The following CADM2 variants were observed in gnomAD, a reference collection of about 807,000 sequenced individuals.
CADM2 encodes cell adhesion molecule 2.
CADM2 carries 12 observed loss-of-function variants against 49.8 expected under a neutral mutation model. The observed-to-expected ratio is 0.24, with a 90% CI of 0.15 to 0.39. The LOEUF is 0.39. Among genes scored for constraint, CADM2 ranks in the 10% least tolerant of loss-of-function variants. The pLI is 1.00. For synonymous variants in CADM2, 214 were observed against 175.4 expected, an observed-to-expected ratio of 1.22 and a Z score of -1.74; for missense variants, 378 against 492.3, an observed-to-expected ratio of 0.77 and a Z score of 2.20.
chr3:85,314,962 A>G (rs376704915), intron 1 of CADM2, among the ~76,000 whole-genome samples: 4 of 152,206 alleles, frequency 2.6e-5, no homozygotes, highest in South Asian at 2.1e-4. Context: ...TTAAAACAAT[A>G]TAAGTTTATT....
intron 1 of CADM2, among the ~76,000 whole-genome samples, chr3:85,492,635 T>G (rs181376621): frequency 6.6e-6 from 1 of 152,210 alleles, no homozygotes; most frequent in African/African-American, 2.4e-5. Context: ...TATTTCTAGG[T>G]AAAGATACAT....
At chr3:85,447,030 A>ATATATATG (rs1491540748) in intron 1 of CADM2, among the ~76,000 whole-genome samples, 1 of 132,184 alleles carries the variant, frequency 7.6e-6, no homozygotes, top group Non-Finnish European at 1.6e-5. Flanking sequence ...ATATATATAT[A>ATATATATG]TGCTTAGTAT....
intron 1 of CADM2, among the ~76,000 whole-genome samples, chr3:85,384,548 A>G (rs1307161649): frequency 3.3e-5 from 5 of 152,050 alleles, no homozygotes; most frequent in Admixed American, 6.6e-5. Flanking sequence ...TCCTGACTTC[A>G]GGTGATCCGC....
intron 1 of CADM2, among the ~76,000 whole-genome samples, chr3:85,220,175 G>C (rs916237050): frequency 2.0e-5 from 3 of 151,928 alleles, no homozygotes; most frequent in African/African-American, 7.3e-5. Flanking sequence ...TTTTGTTGTT[G>C]TTGTTGTTGT....
chr3:85,237,584 A>G (rs1256688252), intron 1 of CADM2, among the ~76,000 whole-genome samples: 1 of 151,492 alleles, frequency 6.6e-6, no homozygotes, highest in Admixed American at 6.6e-5. Flanking sequence ...TGATTTTAAT[A>G]TAATACAAAA....
intron 8 of CADM2, among the ~76,000 whole-genome samples, chr3:86,018,485 G>C (rs1159639339): frequency 6.6e-6 from 1 of 152,082 alleles, no homozygotes; most frequent in East Asian, 1.9e-4. Context: ...CTAGTTTACA[G>C]TCCCACCAAC....
chr3:85,041,330 T>A (rs935198927), intron 1 of CADM2, among the ~76,000 whole-genome samples: 1 of 152,186 alleles, frequency 6.6e-6, no homozygotes, highest in African/African-American at 2.4e-5. Context: ...CACAGATTTT[T>A]AAAAAATTCG....
At chr3:85,938,710 T>C (rs775589261) in intron 7 of CADM2, among the ~76,000 whole-genome samples, 1 of 152,188 alleles carries the variant, frequency 6.6e-6, no homozygotes, top group African/African-American at 2.4e-5. Context: ...TGAGAAGCAA[T>C]ACTATAGCTT....
intron 1 of CADM2, among the ~76,000 whole-genome samples, chr3:85,610,508 G>A (rs2063655778): frequency 2.6e-5 from 4 of 151,826 alleles, no homozygotes; most frequent in African/African-American, 9.7e-5. Flanking sequence ...AATAATAATA[G>A]CAGCTATTCT....
intron 1 of CADM2, among the ~76,000 whole-genome samples, chr3:85,601,851 GTTTC>G (rs944963666): frequency 2.0e-4 from 30 of 151,252 alleles, no homozygotes; most frequent in African/African-American, 7.0e-4. Flanking sequence ...TTTCGTTTCT[GTTTC>G]TTTTAGTCAT....
At chr3:85,792,351 A>C (rs143665862) in intron 2 of CADM2, among the ~76,000 whole-genome samples, 10 of 152,298 alleles carry the variant, frequency 6.6e-5, no homozygotes, top group African/African-American at 2.4e-4. Flanking sequence ...ATTATTGAAA[A>C]ATTGTGTCTT....
intron 8 of CADM2, chr3:86,013,607 A>T: frequency 6.3e-7 from 1 of 1,599,886 alleles, no homozygotes; most frequent in South Asian, 1.1e-5. Flanking sequence ...AAGAGAGAGA[A>T]TCACACTTCT....
intron 1 of CADM2, among the ~76,000 whole-genome samples, chr3:85,474,921 G>C (rs557879320): frequency 6.6e-6 from 1 of 152,014 alleles, no homozygotes; most frequent in East Asian, 1.9e-4. Flanking sequence ...ATAAACTACA[G>C]ACTCAGCATC....
rs1739788911 is a variant in CADM2 at position 86,070,674 on chromosome 3, C to G, written c.*3891C>G. The G allele has an allele frequency of 1.3e-5, 2 of 151,494 alleles. No homozygotes were observed. The highest frequency in any genetic ancestry group is 4.2e-4 in the South Asian group (2 of 4,818). The allele number at this position is 151,494 out of a possible 1,614,324, so 9.4% of individuals were successfully genotyped here. ...AATCACAGCCAAATAAATGAAACACCTAATGAGAATTACTGTTGAGTAATG... is the reference window on the plus strand; with the variant it reads ...AATCACAGCCAAATAAATGAAACACGTAATGAGAATTACTGTTGAGTAATG... On this transcript the variant is annotated 3_prime_UTR_variant, in exon 10 of 10. Coordinates refer to ENST00000383699, the MANE Select transcript of CADM2 (RefSeq NM_001167675.2).
At chr3:85,756,657 T>G (rs1177431168) in intron 2 of CADM2, among the ~76,000 whole-genome samples, 1 of 152,172 alleles carries the variant, frequency 6.6e-6, no homozygotes, top group Non-Finnish European at 1.5e-5. Flanking sequence ...ATATTAAATA[T>G]GTAACCTATT....
At chr3:85,867,303 G>A (rs2075760232) in intron 3 of CADM2, among the ~76,000 whole-genome samples, 1 of 151,958 alleles carries the variant, frequency 6.6e-6, no homozygotes, top group Non-Finnish European at 1.5e-5. Flanking sequence ...CACCATCACA[G>A]ACAAAACAGT....
intron 1 of CADM2, among the ~76,000 whole-genome samples, chr3:85,023,540 G>A (rs1394745172): frequency 6.6e-6 from 1 of 151,914 alleles, no homozygotes; most frequent in East Asian, 1.9e-4. Context: ...GAGGAAAAAG[G>A]TCTCGGCCCC....
At chr3:85,803,018 T>A in intron 3 of CADM2, among the ~76,000 whole-genome samples, 1 of 152,196 alleles carries the variant, frequency 6.6e-6, no homozygotes, top group East Asian at 1.9e-4. Flanking sequence ...TTAATGAATC[T>A]GTATAGGTAA....
chr3:85,986,619 G>A (rs1435227823), intron 8 of CADM2, among the ~76,000 whole-genome samples: 1 of 151,970 alleles, frequency 6.6e-6, no homozygotes, highest in Non-Finnish European at 1.5e-5. Context: ...TCTACAAAAA[G>A]ACTGATTTCT....
Sources: gnomAD v4.1 joint callset for allele counts (sites outside exome capture counted in the v4.1 genomes callset) on GRCh38, gnomAD v4.1.1 for gene constraint, MANE v1.5 for transcripts, NCBI Gene and HGNC (gene_info 2026-07-23, HGNC 2026-07-21) for gene names.